Variants in ASTN2 observed in about 807,000 individuals in gnomAD.
ASTN2 encodes the protein astrotactin-2.
Under a neutral mutation model 139.8 loss-of-function variants are expected in ASTN2, and 54 were observed. That is an observed-to-expected ratio of 0.39 (90% CI 0.31 to 0.48). ASTN2 has a LOEUF of 0.48. ASTN2 is among the 20% of genes least tolerant of loss of function. The pLI, the probability that ASTN2 is intolerant of heterozygous loss-of-function variation, is 0.95. For missense variants in ASTN2, 1,565 were observed against 1,725.1 expected (o/e 0.91, Z 1.64); for synonymous variants, 756 against 719.5 (o/e 1.05, Z -0.81).
At chr9:116,697,576 G>C (rs1177441911) in intron 16 of ASTN2, 2 of 844,692 alleles carry the variant, frequency 2.4e-6, no homozygotes, top group Admixed American at 4.7e-5. Context: ...CTGAATGACT[G>C]GTCATAGCTA....
intron 6 of ASTN2, among the ~76,000 whole-genome samples, chr9:117,030,459 T>C (rs1838215114): frequency 6.6e-6 from 1 of 152,200 alleles, no homozygotes; most frequent in African/African-American, 2.4e-5. Flanking sequence ...ATTTTGGACG[T>C]CAAACTCAGT....
Position 116,614,060 on chromosome 9 carries a change from C to G in ASTN2, c.3355+4264G>C, listed in dbSNP as rs1855700765. On this transcript the variant is annotated intron_variant, in intron 19 of 22. Transcript: ENST00000313400. ...ATACAAAATCAATCTGCAAAAATCACAAGCATTCCTATACACCAATAACAG... is the reference window on the plus strand; with the variant it reads ...ATACAAAATCAATCTGCAAAAATCAGAAGCATTCCTATACACCAATAACAG... 2.0e-5 allele frequency among the ~76,000 whole-genome samples: 3 copies of G among 152,138 alleles called. No individual in the cohort carries two copies. The South Asian group carries it at 6.2e-4, about 31-fold the overall frequency.
intron 3 of ASTN2, among the ~76,000 whole-genome samples, chr9:117,175,965 A>G (rs1830905957): frequency 6.6e-6 from 1 of 151,986 alleles, no homozygotes; most frequent in South Asian, 2.1e-4. Flanking sequence ...TCACATGACA[A>G]AGGCCTACTT....
intron 10 of ASTN2, among the ~76,000 whole-genome samples, chr9:116,938,239 A>T (rs979278525): frequency 4.3e-5 from 3 of 70,058 alleles, no homozygotes; most frequent in Admixed American, 3.7e-4. Flanking sequence ...TGTCAGTGCC[A>T]TGAAGCACTG....
chr9:116,546,966 C>T (rs111337039), intron 19 of ASTN2, among the ~76,000 whole-genome samples: 16 of 152,278 alleles, frequency 1.1e-4, no homozygotes, highest in African/African-American at 1.7e-4. Flanking sequence ...TCTGCAGGCA[C>T]GCCGGCTGGA....
In ASTN2 at chr9:117,214,472, G is replaced by A; in HGVS notation, c.901C>T (p.Pro301Ser). 4.3e-6 allele frequency: 7 copies of A among 1,614,174 alleles called. No individual in the cohort carries two copies. Among genetic ancestry groups the A allele is most frequent in the Non-Finnish European group, 5.9e-6 (7 of 1,180,030 alleles). The stretch of plus-strand genomic sequence containing the variant: ...GAGACATGGTTGGCCCGCCTAGGTG[G>A]CTCCTCATCCTCCTCACAGTCATAG... ...DDYDCEEDEE[P>S]PRRANHVSRE... Residue 301 changes from proline (P) to serine (S), a missense_variant, in exon 3 of 23, where the codon CCA (proline) becomes TCA (serine). This residue lies in a region of ASTN2 where 596 missense variants were observed against 576.8 expected (regional missense o/e 1.03). Coordinates refer to ENST00000313400, the MANE Select transcript of ASTN2 (RefSeq NM_001365068.1).
intron 3 of ASTN2, among the ~76,000 whole-genome samples, chr9:117,172,302 C>T (rs1336157147): frequency 6.6e-6 from 1 of 151,954 alleles, no homozygotes; most frequent in African/African-American, 2.4e-5. Flanking sequence ...GCTTGTTTGA[C>T]CAAAGAACTG....
At chr9:117,171,608 A>G (rs992282633) in intron 3 of ASTN2, among the ~76,000 whole-genome samples, 3 of 152,064 alleles carry the variant, frequency 2.0e-5, no homozygotes, top group Non-Finnish European at 4.4e-5. Flanking sequence ...GGTTTCCCCC[A>G]TGCTGTTCTC....
intron 13 of ASTN2, among the ~76,000 whole-genome samples, chr9:116,785,604 G>A: frequency 6.6e-6 from 1 of 152,128 alleles, no homozygotes; most frequent in East Asian, 1.9e-4. Flanking sequence ...CCTCCTGTGG[G>A]CTTTCCTGTC....
At chr9:117,061,589 C>T (rs4087490) in intron 5 of ASTN2, among the ~76,000 whole-genome samples, 15,815 of 152,112 alleles carry the variant, frequency 0.1, 1,033 homozygotes, top group Admixed American at 0.22. Context: ...GCCCTCAACA[C>T]GTGGGAGGGA....
intron 6 of ASTN2, among the ~76,000 whole-genome samples, chr9:117,024,267 T>G (rs1564389922): frequency 6.6e-6 from 1 of 152,200 alleles, no homozygotes; most frequent in Admixed American, 6.5e-5. Flanking sequence ...TTATGTTTAC[T>G]GGGCTCAAGA....
At chr9:117,146,748 A>G (rs182713183) in intron 3 of ASTN2, among the ~76,000 whole-genome samples, 30 of 152,338 alleles carry the variant, frequency 2.0e-4, no homozygotes, top group African/African-American at 6.3e-4. Context: ...GATTACCATT[A>G]AAGAATTTAC....
intron 4 of ASTN2, among the ~76,000 whole-genome samples, chr9:117,127,527 A>G (rs572777192): frequency 6.6e-6 from 1 of 152,162 alleles, no homozygotes; most frequent in Non-Finnish European, 1.5e-5. Flanking sequence ...TCCATTGCCT[A>G]GAAAAGCTAA....
At chr9:116,479,391 A>G (rs552609642) in intron 20 of ASTN2, among the ~76,000 whole-genome samples, 1 of 152,280 alleles carries the variant, frequency 6.6e-6, no homozygotes, top group South Asian at 2.1e-4. Flanking sequence ...TGCCTCTGTG[A>G]TGTGCTTCCC....
intron 2 of ASTN2, among the ~76,000 whole-genome samples, chr9:117,243,745 C>G (rs1373427727): frequency 6.6e-6 from 1 of 152,112 alleles, no homozygotes; most frequent in East Asian, 1.9e-4. Context: ...CTTAACCCCG[C>G]CACCCCTCCC....
At chr9:117,264,506 T>C (rs1189124894) in intron 2 of ASTN2, among the ~76,000 whole-genome samples, 9 of 152,182 alleles carry the variant, frequency 5.9e-5, no homozygotes, top group African/African-American at 1.7e-4. Context: ...GTGTAGTGCC[T>C]GGCATGTACT....
chr9:116,466,582 G>A (rs868070755), intron 20 of ASTN2, among the ~76,000 whole-genome samples: 1 of 152,146 alleles, frequency 6.6e-6, no homozygotes, highest in Non-Finnish European at 1.5e-5. Context: ...TCCTCAGACA[G>A]AACATCCAGT....
chr9:117,220,534 T>A (rs1284363566), intron 2 of ASTN2, among the ~76,000 whole-genome samples: 1 of 152,160 alleles, frequency 6.6e-6, no homozygotes, highest in Admixed American at 6.5e-5. Flanking sequence ...CAATGACTGG[T>A]ATCCTCATAA....
intron 16 of ASTN2, among the ~76,000 whole-genome samples, chr9:116,678,685 G>C (rs1859651932): frequency 6.6e-6 from 1 of 152,118 alleles, no homozygotes; most frequent in Non-Finnish European, 1.5e-5. Flanking sequence ...GCTAAGATTT[G>C]ATTGAAATTA....
Sources: gnomAD v4.1 joint callset for allele counts (sites outside exome capture counted in the v4.1 genomes callset) on GRCh38, gnomAD v4.1.1 for gene constraint, gnomAD v4.1.1 regional missense constraint, MANE v1.5 for transcripts, NCBI Gene and HGNC (gene_info 2026-07-23, HGNC 2026-07-21) for gene names.